TTC28: variants seen among roughly 807,000 people sequenced by gnomAD.
TTC28 encodes tetratricopeptide repeat protein 28.
A neutral mutation model predicts 198.0 loss-of-function variants in TTC28; 61 were observed. That is an observed-to-expected ratio of 0.31 (90% CI 0.25 to 0.38). The LOEUF is 0.38. Among genes scored for constraint, TTC28 ranks in the 10% least tolerant of loss-of-function variants. The pLI is 1.00. For missense variants in TTC28, 2,678 were observed against 3,164.0 expected, an observed-to-expected ratio of 0.85 and a Z score of 3.69; for synonymous variants, 1,171 against 1,297.8, an observed-to-expected ratio of 0.90 and a Z score of 2.10.
intron 12 of TTC28, among the ~76,000 whole-genome samples, chr22:28,032,922 T>A (rs906071866): frequency 2.6e-5 from 4 of 152,196 alleles, no homozygotes; most frequent in Non-Finnish European, 5.9e-5. Context: ...CTCATGGATG[T>A]CAGCTGAACA....
chr22:28,466,569 C>T (rs1458928649), intron 2 of TTC28, among the ~76,000 whole-genome samples: 2 of 152,146 alleles, frequency 1.3e-5, no homozygotes, highest in East Asian at 3.8e-4. Flanking sequence ...TAGCAAAGAG[C>T]AGCACAGTGT....
chr22:28,670,871 G>A, intron 1 of TTC28, among the ~76,000 whole-genome samples: 1 of 151,960 alleles, frequency 6.6e-6, no homozygotes, highest in East Asian at 1.9e-4. Flanking sequence ...ACTTGTTATT[G>A]TCTATCTTTT....
intron 12 of TTC28, among the ~76,000 whole-genome samples, chr22:28,081,152 T>TAC (rs59531236): frequency 2.8e-4 from 42 of 149,124 alleles, no homozygotes; most frequent in South Asian, 4.2e-4. Flanking sequence ...TGGACATACA[T>TAC]ACACACACAC....
chr22:28,546,808 A>G (rs894638972), intron 2 of TTC28, among the ~76,000 whole-genome samples: 3 of 152,354 alleles, frequency 2.0e-5, no homozygotes, highest in South Asian at 2.1e-4. Flanking sequence ...GGAGTAAATT[A>G]CTTATATAAG....
intron 2 of TTC28, among the ~76,000 whole-genome samples, chr22:28,473,899 C>G (rs2048129440): frequency 6.6e-6 from 1 of 152,186 alleles, no homozygotes; most frequent in Non-Finnish European, 1.5e-5. Context: ...AGAGAAGCCT[C>G]AAAAGAAATC....
intron 12 of TTC28, among the ~76,000 whole-genome samples, chr22:28,040,848 G>A (rs1391357517): frequency 1.3e-5 from 2 of 152,130 alleles, no homozygotes; most frequent in Non-Finnish European, 2.9e-5. Flanking sequence ...CATCGTCTCA[G>A]CCCAAAATTT....
chr22:28,094,173 C>T lies in TTC28; in HGVS notation c.3839G>A (p.Ser1280Asn). The T allele has an allele frequency of 6.4e-7, 1 of 1,551,662 alleles. No individual in the cohort carries two copies. Among genetic ancestry groups the T allele is most frequent in the Non-Finnish European group, 8.7e-7 (1 of 1,146,954 alleles). ...VENSSDFQAS[S>N]SVTLPTATGS... ...GGTTGCTGTTGGAAGGGTTACACTG[C>T]TGCTGGCCTGGAAGTCACTTGAGTT... is the stretch of plus-strand genomic sequence containing the variant. The change falls in exon 12 of 23, where the codon AGC (serine) becomes AAC (asparagine). Residue 1280 changes from serine (S) to asparagine (N), a missense_variant. Coordinates refer to ENST00000397906, the MANE Select transcript of TTC28 (RefSeq NM_001145418.2).
intron 12 of TTC28, among the ~76,000 whole-genome samples, chr22:28,053,356 C>T (rs1236020013): frequency 6.6e-6 from 1 of 152,152 alleles, no homozygotes; most frequent in Non-Finnish European, 1.5e-5. Context: ...ATAGTGGCTA[C>T]TGAGAAATAA....
intron 5 of TTC28, among the ~76,000 whole-genome samples, chr22:28,201,751 C>CAAAAAAAAA (rs34790960): frequency 1.2e-5 from 1 of 81,006 alleles, no homozygotes; most frequent in African/African-American, 5.0e-5. Flanking sequence ...TTACAGAAAG[C>CAAAAAAAAA]AAAAAAAAAA....
intron 2 of TTC28, among the ~76,000 whole-genome samples, chr22:28,386,920 G>A (rs1413327640): frequency 6.6e-6 from 1 of 151,888 alleles, no homozygotes; most frequent in Non-Finnish European, 1.5e-5. Flanking sequence ...GCATACATGT[G>A]CCATGCTGGT....
At chr22:28,555,320 T>C (rs2049769913) in intron 2 of TTC28, among the ~76,000 whole-genome samples, 4 of 152,238 alleles carry the variant, frequency 2.6e-5, no homozygotes, top group Admixed American at 2.0e-4. Context: ...ATCTACCGTT[T>C]GATCCAGCAA....
intron 12 of TTC28, among the ~76,000 whole-genome samples, chr22:28,073,023 A>T (rs1437024451): frequency 6.6e-6 from 1 of 152,218 alleles, no homozygotes; most frequent in East Asian, 1.9e-4. Flanking sequence ...TTCTGTGGGC[A>T]TGTTATCATA....
At chr22:28,625,259 A>G (rs1320095646) in intron 2 of TTC28, among the ~76,000 whole-genome samples, 1 of 152,188 alleles carries the variant, frequency 6.6e-6, no homozygotes, top group African/African-American at 2.4e-5. Context: ...CACAAAAGAA[A>G]GGAAGAAGCA....
intron 2 of TTC28, among the ~76,000 whole-genome samples, chr22:28,516,875 CATT>C (rs950492312): frequency 1.3e-5 from 2 of 152,090 alleles, no homozygotes; most frequent in African/African-American, 2.4e-5. Context: ...TACGTGAAAA[CATT>C]ATGTTGTACA....
intron 12 of TTC28, among the ~76,000 whole-genome samples, chr22:28,082,145 G>A (rs757582916): frequency 3.3e-5 from 5 of 152,168 alleles, no homozygotes; most frequent in Non-Finnish European, 7.4e-5. Flanking sequence ...AGCTCTAATA[G>A]TTTTTTGGTA....
At chr22:28,315,749 C>G (rs2045341865) in intron 2 of TTC28, among the ~76,000 whole-genome samples, 2 of 151,774 alleles carry the variant, frequency 1.3e-5, no homozygotes, top group Non-Finnish European at 2.9e-5. Flanking sequence ...ATTTATCTAC[C>G]CCTTCACAAC....
chr22:28,429,485 G>A (rs1296580979), intron 2 of TTC28, among the ~76,000 whole-genome samples: 4 of 151,714 alleles, frequency 2.6e-5, no homozygotes, highest in African/African-American at 9.7e-5. Context: ...GGTGCTAACT[G>A]AAAAAAAACT....
chr22:28,199,782 T>C (rs1925763891), intron 5 of TTC28, among the ~76,000 whole-genome samples: 1 of 151,872 alleles, frequency 6.6e-6, no homozygotes, highest in Admixed American at 6.6e-5. Flanking sequence ...CTAACAAGTC[T>C]TACTGTCTTC....
chr22:28,282,616 C>T (rs1352362059), intron 5 of TTC28, among the ~76,000 whole-genome samples: 1 of 152,182 alleles, frequency 6.6e-6, no homozygotes, highest in East Asian at 1.9e-4. Flanking sequence ...ATCTGGTCTT[C>T]CTGTTTTACA....
Sources: allele counts gnomAD v4.1 joint callset (sites outside exome capture counted in the v4.1 genomes callset), GRCh38; gene constraint gnomAD v4.1.1; transcripts MANE v1.5; gene names NCBI Gene and HGNC (gene_info 2026-07-23, HGNC 2026-07-21).